Variants in SHB observed in about 807,000 individuals in gnomAD.
SHB encodes SH2 domain containing adaptor protein B.
A neutral mutation model predicts 52.3 loss-of-function variants in SHB; 20 were observed. The ratio of observed to expected loss-of-function variants is 0.38; its 90% CI spans 0.27 to 0.56. SHB has a LOEUF of 0.56. Among genes scored for constraint, SHB ranks in the 20% least tolerant of loss-of-function variants. The pLI, the probability that SHB is intolerant of heterozygous loss-of-function variation, is 0.71. For synonymous variants in SHB, 397 were observed against 316.5 expected (o/e 1.25, Z -2.70); for missense variants, 825 against 723.3 (o/e 1.14, Z -1.61).
intron 2 of SHB, among the ~76,000 whole-genome samples, chr9:38,014,084 T>C (rs1225831442): frequency 6.6e-6 from 1 of 152,122 alleles, no homozygotes; most frequent in Non-Finnish European, 1.5e-5. Context: ...ACCCCAAAGT[T>C]TGCAAAGCGC....
intron 5 of SHB, among the ~76,000 whole-genome samples, chr9:37,938,076 C>T (rs1236191361): frequency 6.6e-6 from 1 of 152,188 alleles, no homozygotes. Context: ...CCTGTGGGGC[C>T]TTTGTATCGC....
Position 38,068,330 on chromosome 9 carries a change from G to C in SHB, c.316C>G (p.Leu106Val), listed in dbSNP as rs764491216. The change falls in exon 1 of 6, where the codon CTG (leucine) becomes GTG (valine). Residue 106 changes from leucine (L) to valine (V), a missense_variant. Transcript: ENST00000377707. ...YNGPGSSLRK[L>V]RAMCRLDYCG... is the part of the protein sequence containing the mutation. Reference sequence around the variant, plus strand: ...TAGTCCAGGCGGCACATGGCGCGCAGTTTGCGCAGCGACGAGCCAGGCCCG... The same window carrying C: ...TAGTCCAGGCGGCACATGGCGCGCACTTTGCGCAGCGACGAGCCAGGCCCG... The C allele has an allele frequency of 6.5e-7, 1 of 1,540,840 alleles. No homozygotes were observed. The highest frequency in any genetic ancestry group is 1.2e-5 in the South Asian group (1 of 82,698).
chr9:38,066,498 TG>T (rs1265951846), intron 1 of SHB, among the ~76,000 whole-genome samples: 2 of 152,140 alleles, frequency 1.3e-5, no homozygotes, highest in Non-Finnish European at 2.9e-5. Context: ...CAGGGAAATC[TG>T]CCCCCTCTCC....
At chr9:37,985,571 G>C (rs552182390) in intron 2 of SHB, among the ~76,000 whole-genome samples, 1 of 152,356 alleles carries the variant, frequency 6.6e-6, no homozygotes, top group African/African-American at 2.4e-5. Context: ...TGCTCTGGGG[G>C]CCAAAAGCAG....
At chr9:37,991,569 G>T (rs1162868732) in intron 2 of SHB, among the ~76,000 whole-genome samples, 1 of 152,208 alleles carries the variant, frequency 6.6e-6, no homozygotes, top group East Asian at 1.9e-4. Flanking sequence ...AGAGGTACTC[G>T]ATTATTAAAG....
intron 4 of SHB, among the ~76,000 whole-genome samples, chr9:37,954,790 C>T (rs528684454): frequency 1.1e-3 from 163 of 152,102 alleles, no homozygotes; most frequent in Non-Finnish European, 2.1e-3. Flanking sequence ...GGAGGTGGGA[C>T]TTTATCCTGG....
At chr9:37,968,757 G>A (rs1377337640) in intron 3 of SHB, among the ~76,000 whole-genome samples, 5 of 152,168 alleles carry the variant, frequency 3.3e-5, no homozygotes, top group African/African-American at 1.2e-4. Context: ...AGACATAGCC[G>A]TTTACTCACT....
At chr9:37,959,465 T>C (rs1210260655) in intron 3 of SHB, among the ~76,000 whole-genome samples, 1 of 152,154 alleles carries the variant, frequency 6.6e-6, no homozygotes, top group Admixed American at 6.5e-5. Flanking sequence ...GTTCTAGGCT[T>C]AGTTTTGCCA....
intron 4 of SHB, among the ~76,000 whole-genome samples, chr9:37,951,458 G>A (rs1034296345): frequency 6.6e-6 from 1 of 152,208 alleles, no homozygotes; most frequent in Non-Finnish European, 1.5e-5. Flanking sequence ...ATTGACTTCG[G>A]AAGTAAGAGT....
intron 3 of SHB, among the ~76,000 whole-genome samples, chr9:37,957,001 C>A (rs1832643295): frequency 1.3e-5 from 2 of 152,208 alleles, no homozygotes; most frequent in Non-Finnish European, 2.9e-5. Context: ...AGCAACTGAA[C>A]CAACCTGAGT....
intron 1 of SHB, among the ~76,000 whole-genome samples, chr9:38,036,795 T>C (rs1230695013): frequency 6.6e-6 from 1 of 152,176 alleles, no homozygotes; most frequent in Non-Finnish European, 1.5e-5. Context: ...CTATGCTCAG[T>C]TCTTTTAATA....
At chr9:37,978,610 G>A (rs950484222) in intron 2 of SHB, among the ~76,000 whole-genome samples, 8 of 152,128 alleles carry the variant, frequency 5.3e-5, no homozygotes, top group East Asian at 1.9e-4. Context: ...ACAAGTCTCC[G>A]TCAATATGAG....
chr9:38,063,138 T>C (rs1440324885), intron 1 of SHB, among the ~76,000 whole-genome samples: 4 of 152,204 alleles, frequency 2.6e-5, no homozygotes, highest in African/African-American at 9.7e-5. Context: ...GGGATGGGAC[T>C]TCAAAGGGGA....
intron 2 of SHB, among the ~76,000 whole-genome samples, chr9:38,010,706 A>C (rs1821129642): frequency 1.3e-5 from 2 of 152,200 alleles, no homozygotes; most frequent in Admixed American, 1.3e-4. Flanking sequence ...CTCCAGGTCC[A>C]TGCCTATCTG....
chr9:37,923,653 CA>C (rs1832210237), intron 5 of SHB, among the ~76,000 whole-genome samples: 1 of 152,204 alleles, frequency 6.6e-6, no homozygotes, highest in Admixed American at 6.5e-5. Flanking sequence ...CACCTTCACA[CA>C]AAAGGAGACG....
At chr9:38,066,670 AGGGGAGGGGATATTCTGGGGACCTC>A (rs1821964634) in intron 1 of SHB, among the ~76,000 whole-genome samples, 1 of 152,138 alleles carries the variant, frequency 6.6e-6, no homozygotes, top group South Asian at 2.1e-4. Flanking sequence ...CAGATCAAAC[AGGGGAGGGGATATTCTGGGGACCTC>A]GGGGAGGGGA....
intron 5 of SHB, among the ~76,000 whole-genome samples, chr9:37,943,172 T>C (rs902774239): frequency 1.3e-5 from 2 of 152,220 alleles, no homozygotes; most frequent in African/African-American, 2.4e-5. Flanking sequence ...GGGCCCATTC[T>C]CTCTGCAGCC....
chr9:37,959,111 G>A (rs999062255), intron 3 of SHB, among the ~76,000 whole-genome samples: 1 of 152,190 alleles, frequency 6.6e-6, no homozygotes, highest in Non-Finnish European at 1.5e-5. Flanking sequence ...CCTGAAGACG[G>A]GAAGACCAGT....
At chr9:37,925,950 CTGATCCCTG>C (rs1259266726) in intron 5 of SHB, among the ~76,000 whole-genome samples, 1 of 152,172 alleles carries the variant, frequency 6.6e-6, no homozygotes, top group Non-Finnish European at 1.5e-5. Context: ...TGCTCACACT[CTGATCCCTG>C]GGAGCACTGC....
Sources: gnomAD v4.1 joint callset for allele counts (sites outside exome capture counted in the v4.1 genomes callset) on GRCh38, gnomAD v4.1.1 for gene constraint, MANE v1.5 for transcripts, NCBI Gene and HGNC (gene_info 2026-07-23, HGNC 2026-07-21) for gene names.